CNTNAP2: variants seen among roughly 807,000 people sequenced by gnomAD.
CNTNAP2 encodes the protein contactin-associated protein-like 2.
Under a neutral mutation model 155.2 loss-of-function variants are expected in CNTNAP2, and 98 were observed. That is an observed-to-expected ratio of 0.63 (90% CI 0.54 to 0.75). The LOEUF is 0.75. CNTNAP2 is among the 30% of genes least tolerant of loss of function. The pLI, the probability that CNTNAP2 is intolerant of heterozygous loss-of-function variation, is 0.00. For missense variants in CNTNAP2, 1,727 were observed against 1,688.1 expected (o/e 1.02, Z -0.40); for synonymous variants, 651 against 631.2 (o/e 1.03, Z -0.47).
intron 11 of CNTNAP2, among the ~76,000 whole-genome samples, chr7:147,499,801 T>A (rs1251172258): frequency 1.3e-5 from 2 of 152,176 alleles, no homozygotes. Flanking sequence ...TATAAGATCA[T>A]GTTACTTGCA....
At chr7:147,380,183 G>A (rs1218795770) in intron 9 of CNTNAP2, among the ~76,000 whole-genome samples, 3 of 151,662 alleles carry the variant, frequency 2.0e-5, no homozygotes, top group African/African-American at 7.3e-5. Context: ...CTTTTGGGGT[G>A]CAGTTAATAT....
intron 1 of CNTNAP2, among the ~76,000 whole-genome samples, chr7:146,394,994 G>A (rs1444591993): frequency 1.3e-5 from 2 of 152,090 alleles, no homozygotes; most frequent in Non-Finnish European, 2.9e-5. Context: ...TGTGGTATTT[G>A]ACTTTATATT....
intron 12 of CNTNAP2, among the ~76,000 whole-genome samples, chr7:147,599,758 T>A (rs1225993519): frequency 6.6e-6 from 1 of 152,100 alleles, no homozygotes; most frequent in Non-Finnish European, 1.5e-5. Flanking sequence ...GATCCCCTTT[T>A]CCTATGAGGA....
At chr7:146,937,116 A>G (rs929562853) in intron 3 of CNTNAP2, among the ~76,000 whole-genome samples, 3 of 152,102 alleles carry the variant, frequency 2.0e-5, no homozygotes, top group Non-Finnish European at 4.4e-5. Context: ...GGCCGGGCGC[A>G]GTGGCTCATG....
At chr7:146,719,235 A>G (rs1431726296) in intron 1 of CNTNAP2, among the ~76,000 whole-genome samples, 1 of 152,138 alleles carries the variant, frequency 6.6e-6, no homozygotes, top group Non-Finnish European at 1.5e-5. Flanking sequence ...TTTCAGCCCA[A>G]CAGTCAGCTT....
chr7:148,261,384 T>C (rs1167733503), intron 20 of CNTNAP2, among the ~76,000 whole-genome samples: 1 of 152,178 alleles, frequency 6.6e-6, no homozygotes, highest in African/African-American at 2.4e-5. Flanking sequence ...GGTCTCGAAC[T>C]CCTGACCACA....
chr7:146,839,823 A>G lies in CNTNAP2; in HGVS notation c.321A>G (p.Ser107=), dbSNP rs1375721753. The change falls in exon 3 of 24, where the codon TCA becomes TCG. Residue 107 remains serine (S), a synonymous_variant. Coordinates refer to ENST00000361727, the MANE Select transcript of CNTNAP2 (RefSeq NM_014141.6). ...CAACCCAAGGAAGGTATAGCAGCTC[A>G]GATTGGGTGACCCAATACCGGATGC... ...AIATQGRYSS[S]DWVTQYRMLY... is the part of the protein sequence containing the mutation. 1 of 1,613,962 alleles carries G rather than the reference A, an allele frequency of 6.2e-7. No homozygotes were observed. The highest frequency in any genetic ancestry group is 1.1e-5 in the South Asian group (1 of 91,082).
intron 8 of CNTNAP2, among the ~76,000 whole-genome samples, chr7:147,222,200 C>T (rs1292221777): frequency 6.6e-6 from 1 of 151,740 alleles, no homozygotes; most frequent in African/African-American, 2.4e-5. Flanking sequence ...TCTGTCTCTT[C>T]TCTTTCTTGT....
chr7:147,412,458 G>T (rs148527349), intron 10 of CNTNAP2, among the ~76,000 whole-genome samples: 1 of 152,192 alleles, frequency 6.6e-6, no homozygotes, highest in African/African-American at 2.4e-5. Context: ...TGTAAGACTG[G>T]GTTAGGCACT....
intron 11 of CNTNAP2, among the ~76,000 whole-genome samples, chr7:147,505,685 T>G (rs1436270962): frequency 6.6e-6 from 1 of 152,226 alleles, no homozygotes; most frequent in Non-Finnish European, 1.5e-5. Flanking sequence ...ATGCTATCGA[T>G]CACCAAACAA....
chr7:147,198,647 A>G (rs1478955053), intron 8 of CNTNAP2, among the ~76,000 whole-genome samples: 2 of 152,120 alleles, frequency 1.3e-5, no homozygotes, highest in African/African-American at 4.8e-5. Context: ...ACGAACTTTA[A>G]ATTTACTTTC....
chr7:146,762,323 A>T (rs1248964947), intron 1 of CNTNAP2, among the ~76,000 whole-genome samples: 1 of 152,056 alleles, frequency 6.6e-6, no homozygotes, highest in Non-Finnish European at 1.5e-5. Context: ...ATCCCTGGCC[A>T]GGTGTGGTGG....
At chr7:146,674,097 AGACT>A (rs1240141038) in intron 1 of CNTNAP2, among the ~76,000 whole-genome samples, 1 of 152,218 alleles carries the variant, frequency 6.6e-6, no homozygotes, top group African/African-American at 2.4e-5. Context: ...GCGTAATGAA[AGACT>A]GACTGAATGA....
At chr7:148,347,701 A>T (rs1469495042) in intron 21 of CNTNAP2, among the ~76,000 whole-genome samples, 1 of 152,244 alleles carries the variant, frequency 6.6e-6, no homozygotes, top group South Asian at 2.1e-4. Flanking sequence ...CTATGTAGTG[A>T]ATCGGGGGAG....
rs75989957 is a variant in CNTNAP2 at position 147,588,755 on chromosome 7, G to A, written c.1897+26498G>A. 9.7e-3 allele frequency among the ~76,000 whole-genome samples: 1,471 copies of A among 152,232 alleles called. 21 individuals carry two copies. Among genetic ancestry groups the A allele is most frequent in the African/African-American group, 0.034 (1,398 of 41,548 alleles). Reference sequence around the variant, plus strand: ...GGCAACTGACATTTATAGGAATTATGGTATAGCATCAATAATTCACACAAC... The same window carrying A: ...GGCAACTGACATTTATAGGAATTATAGTATAGCATCAATAATTCACACAAC... On this transcript the variant is annotated intron_variant, in intron 12 of 23. Coordinates refer to ENST00000361727, the MANE Select transcript of CNTNAP2 (RefSeq NM_014141.6).
chr7:146,747,721 C>G lies in CNTNAP2; in HGVS notation c.98-26550C>G, dbSNP rs138298716. Among the ~76,000 whole-genome samples, 8 of 152,212 alleles carry G rather than the reference C, an allele frequency of 5.3e-5. No individual in the cohort carries two copies. In the East Asian group the frequency reaches 1.4e-3, roughly 26 times the overall value. ...TATGTGTGTTATGTAAGTGTGAGCT[C>G]TGAATTACAAAGTAATTTAAACAAA... On this transcript the variant is annotated intron_variant, in intron 1 of 23. Transcript: ENST00000361727.
At chr7:148,223,241 CT>C (rs1490915705) in intron 19 of CNTNAP2, among the ~76,000 whole-genome samples, 1 of 152,154 alleles carries the variant, frequency 6.6e-6, no homozygotes, top group Non-Finnish European at 1.5e-5. Context: ...ATGACTTCTC[CT>C]TGCTTTAAAC....
At chr7:146,810,386 T>A (rs1803043357) in intron 2 of CNTNAP2, among the ~76,000 whole-genome samples, 1 of 151,852 alleles carries the variant, frequency 6.6e-6, no homozygotes, top group Non-Finnish European at 1.5e-5. Context: ...TAGTTTTTAG[T>A]GTATGGACCT....
At chr7:146,999,782 T>G (rs986934462) in intron 3 of CNTNAP2, among the ~76,000 whole-genome samples, 1 of 152,126 alleles carries the variant, frequency 6.6e-6, no homozygotes, top group African/African-American at 2.4e-5. Flanking sequence ...TGTGGTTTGC[T>G]TCTTCGCTCC....
Sources: allele counts gnomAD v4.1 joint callset (sites outside exome capture counted in the v4.1 genomes callset), GRCh38; gene constraint gnomAD v4.1.1; transcripts MANE v1.5; gene names NCBI Gene and HGNC (gene_info 2026-07-23, HGNC 2026-07-21).